Variants in URI1 observed in about 807,000 individuals in gnomAD.
URI1 encodes unconventional prefoldin RPB5 interactor 1.
A neutral mutation model predicts 60.2 loss-of-function variants in URI1; 39 were observed. That is an observed-to-expected ratio of 0.65 (90% CI 0.50 to 0.85). URI1 has a LOEUF of 0.85. Ranked by LOEUF, URI1 falls within the 40% of genes least tolerant of loss-of-function variation. The pLI is 0.00. For missense variants in URI1, 691 were observed against 665.9 expected (o/e 1.04, Z -0.42); for synonymous variants, 251 against 236.8 (o/e 1.06, Z -0.55).
intron 4 of URI1, among the ~76,000 whole-genome samples, chr19:29,998,002 CA>C: frequency 6.6e-6 from 1 of 152,212 alleles, no homozygotes; most frequent in Non-Finnish European, 1.5e-5. Context: ...TGGCCTCAAG[CA>C]ATCTGCCTGC....
At chr19:29,961,019 T>TA (rs905738684) in intron 1 of URI1, among the ~76,000 whole-genome samples, 9 of 149,484 alleles carry the variant, frequency 6.0e-5, no homozygotes, top group East Asian at 1.9e-4. Context: ...CCTAGCTAAT[T>TA]AAAAAAAAAA....
rs12984378 is a variant in URI1 at position 29,942,634 on chromosome 19, T to A, written c.87T>A (p.Asp29Glu). Residue 29 changes from aspartate (D) to glutamate (E), a missense_variant, in exon 1 of 11, where the codon GAT (aspartate) becomes GAA (glutamate). Physicochemically the swap from Asp to Glu is conservative, Grantham distance 45. Transcript: ENST00000392271. Reference protein sequence around the residue: ...APALVPLRAPDVARLREEQEK... With the variant: ...APALVPLRAPEVARLREEQEK... ...CCCTGGTTCCGTTGCGCGCCCCGGA[T>A]GTGGCGCGGCTGCGCGAGGAGCAGG... 48 of 1,445,514 alleles carry A rather than the reference T, an allele frequency of 3.3e-5. No individual in the cohort carries two copies. In the Middle Eastern group the frequency reaches 1.5e-3, roughly 47 times the overall value. 89.5% of individuals were successfully genotyped at this position (1,445,514 alleles called of 1,614,324 possible).
chr19:29,950,274 G>A (rs1599665613), intron 1 of URI1, among the ~76,000 whole-genome samples: 1 of 152,286 alleles, frequency 6.6e-6, no homozygotes, highest in Admixed American at 6.5e-5. Context: ...GGGGAAAGGG[G>A]GAAGAAGGTG....
chr19:29,946,830 G>C (rs975942226), intron 1 of URI1, among the ~76,000 whole-genome samples: 1 of 152,186 alleles, frequency 6.6e-6, no homozygotes, highest in African/African-American at 2.4e-5. Flanking sequence ...TACATGCCAG[G>C]CATGTTCTGC....
At chr19:29,935,390 C>G (rs996096005) in intron 1 of URI1, among the ~76,000 whole-genome samples, 3 of 152,068 alleles carry the variant, frequency 2.0e-5, no homozygotes, top group African/African-American at 7.2e-5. Context: ...ATTATTGTTT[C>G]ATGCATTTGC....
chr19:29,977,134 CTCT>C (rs1047081941), intron 2 of URI1, among the ~76,000 whole-genome samples: 98 of 151,424 alleles, frequency 6.5e-4, no homozygotes, highest in African/African-American at 2.3e-3. Context: ...TTTTCTCTCT[CTCT>C]TTTTTTTTTT....
At chr19:29,985,429 T>G in intron 3 of URI1, 128 bp downstream of exon 3, 1 of 665,192 alleles carries the variant, frequency 1.5e-6, no homozygotes, top group South Asian at 3.2e-5. Context: ...AAGATTTGTT[T>G]TGTTTTACTT....
At chr19:29,996,391 A>T (rs183916728) in intron 4 of URI1, among the ~76,000 whole-genome samples, 57 of 152,222 alleles carry the variant, frequency 3.7e-4, no homozygotes, top group Non-Finnish European at 8.8e-5. Context: ...GCTCATTGTT[A>T]GTGCATAGAA....
intron 2 of URI1, 143 bp downstream of exon 2, chr19:29,971,370 T>G: frequency 1.4e-6 from 1 of 738,998 alleles, no homozygotes; most frequent in South Asian, 1.8e-5. Context: ...TTTGAATGCC[T>G]TTAATACTAA....
intron 1 of URI1, among the ~76,000 whole-genome samples, chr19:29,931,802 G>T (rs1318899416): frequency 6.6e-6 from 1 of 151,870 alleles, no homozygotes; most frequent in African/African-American, 2.4e-5. Context: ...TTTCTTTTCA[G>T]ATTGTTGTTT....
intron 4 of URI1, among the ~76,000 whole-genome samples, chr19:30,002,659 A>T (rs1482202250): frequency 6.6e-6 from 1 of 151,724 alleles, no homozygotes; most frequent in Non-Finnish European, 1.5e-5. Flanking sequence ...CAAATTACTA[A>T]TTTTTTTCTT....
intron 4 of URI1, among the ~76,000 whole-genome samples, chr19:29,998,688 T>TTG (rs2145414480): frequency 6.6e-6 from 1 of 152,236 alleles, no homozygotes; most frequent in East Asian, 1.9e-4. Context: ...TTCAACCTAT[T>TTG]TGTGCCCTTA....
Position 30,007,474 on chromosome 19 carries a change from A to G in URI1, c.522A>G (p.Lys174=). 1.2e-6 allele frequency: 2 copies of G among 1,612,612 alleles called. No homozygotes were observed. The highest frequency in any genetic ancestry group is 1.7e-6 in the Non-Finnish European group (2 of 1,179,180). The change falls in exon 7 of 11, where the codon AAA becomes AAG. Residue 174 remains lysine, a synonymous_variant. Coordinates refer to ENST00000392271, the MANE Select transcript of URI1 (RefSeq NM_003796.3). ...EIKCDFEFKA[K]HRIAHKPHSK... Reference sequence around the variant, plus strand: ...TCTTTTCCTTTTTCTAAATAGCAAAACACCGAATTGCTCATAAACCGCATT... The same window carrying G: ...TCTTTTCCTTTTTCTAAATAGCAAAGCACCGAATTGCTCATAAACCGCATT...
At chr19:29,963,024 C>G (rs1316158186) in intron 1 of URI1, among the ~76,000 whole-genome samples, 1 of 152,202 alleles carries the variant, frequency 6.6e-6, no homozygotes, top group African/African-American at 2.4e-5. Context: ...CCTCCTCCGC[C>G]TACCCCCAGC....
chr19:29,976,551 A>G (rs1210751980), intron 2 of URI1, among the ~76,000 whole-genome samples: 3 of 152,232 alleles, frequency 2.0e-5, no homozygotes, highest in African/African-American at 7.2e-5. Context: ...AGGTGGGAAG[A>G]TAACACCCAC....
At position 29,942,631 on chromosome 19, in the gene URI1, G is replaced by A; in HGVS notation, c.84G>A (p.Pro28=). 7.5e-7 allele frequency: 1 copy of A among 1,332,996 alleles called. No homozygotes were observed. 82.6% of individuals were successfully genotyped at this position (1,332,996 alleles called of 1,614,324 possible). The change falls in exon 1 of 11, where the codon CCG becomes CCA. Residue 28 remains proline (P), a synonymous_variant. Transcript: ENST00000392271. ...PAPALVPLRA[P]DVARLREEQE... Reference sequence around the variant, plus strand: ...CTGCCCTGGTTCCGTTGCGCGCCCCGGATGTGGCGCGGCTGCGCGAGGAGC... The same window carrying A: ...CTGCCCTGGTTCCGTTGCGCGCCCCAGATGTGGCGCGGCTGCGCGAGGAGC...
chr19:29,951,679 T>C (rs979230341), intron 1 of URI1, among the ~76,000 whole-genome samples: 5 of 152,108 alleles, frequency 3.3e-5, no homozygotes, highest in African/African-American at 9.7e-5. Flanking sequence ...CCCAAGTAGC[T>C]GGGATTACAG....
Position 29,984,859 on chromosome 19 carries a change from C to T in URI1, c.153-364C>T, listed in dbSNP as rs147144548. On this transcript the variant is annotated intron_variant, in intron 2 of 10. Coordinates refer to ENST00000392271, the MANE Select transcript of URI1 (RefSeq NM_003796.3). Reference sequence around the variant, plus strand: ...GAGTGAGGCCAGGTGCAGTGGCTCACGCCTGTAACTCTAGCACTTCAGGAG... The same window carrying T: ...GAGTGAGGCCAGGTGCAGTGGCTCATGCCTGTAACTCTAGCACTTCAGGAG... Among the ~76,000 whole-genome samples the T allele has an allele frequency of 7.8e-3, 1,188 of 151,908 alleles. 6 individuals are homozygous for T. Among genetic ancestry groups the T allele is most frequent in the Middle Eastern group, 0.034 (10 of 294 alleles).
At chr19:29,942,142 A>T (rs2055032635), upstream of URI1, 4 of 916,626 alleles carry the variant, frequency 4.4e-6, no homozygotes, top group Non-Finnish European at 5.2e-6. Context: ...CGCGGTTCGC[A>T]TCAAGCGCAC....
Sources: allele counts gnomAD v4.1 joint callset (sites outside exome capture counted in the v4.1 genomes callset), GRCh38; gene constraint gnomAD v4.1.1; transcripts MANE v1.5; gene names NCBI Gene and HGNC (gene_info 2026-07-23, HGNC 2026-07-21).